The following BTC variants were observed in gnomAD, a reference collection of about 807,000 sequenced individuals.
BTC encodes probetacellulin.
A neutral mutation model predicts 18.1 loss-of-function variants in BTC; 13 were observed. The observed-to-expected ratio is 0.72, with a 90% confidence interval of 0.47 to 1.14. BTC has a LOEUF of 1.14. Among genes scored for constraint, BTC ranks in the 50% most tolerant of loss-of-function variants. The pLI, the probability that BTC is intolerant of heterozygous loss-of-function variation, is 0.00. For missense variants in BTC, 247 were observed against 224.2 expected (o/e 1.10, Z -0.65); for synonymous variants, 83 against 79.4 (o/e 1.05, Z -0.24).
At chr4:74,777,282 A>G (rs1725202087) in intron 1 of BTC, among the ~76,000 whole-genome samples, 1 of 152,186 alleles carries the variant, frequency 6.6e-6, no homozygotes, top group South Asian at 2.1e-4. Context: ...TGTGCTGAAA[A>G]GAAGGTGGAG....
chr4:74,767,020 G>T (rs1369201388), intron 2 of BTC, among the ~76,000 whole-genome samples: 1 of 151,996 alleles, frequency 6.6e-6, no homozygotes, highest in Non-Finnish European at 1.5e-5. Flanking sequence ...AGCAAGACAA[G>T]AATGCCCAGT....
intron 5 of BTC, among the ~76,000 whole-genome samples, chr4:74,747,132 C>T (rs1199696044): frequency 6.6e-6 from 1 of 152,176 alleles, no homozygotes; most frequent in East Asian, 1.9e-4. Context: ...CATTTTAAGC[C>T]AGTTTGAGTT....
At chr4:74,750,741 A>C (rs2109878759) in intron 3 of BTC, 22 bp from the exon 4 acceptor site, 1 of 1,603,892 alleles carries the variant, frequency 6.2e-7, no homozygotes, top group East Asian at 2.2e-5. Context: ...GACGAGGGCA[A>C]GGAAGTAAAA....
intron 1 of BTC, among the ~76,000 whole-genome samples, chr4:74,771,751 A>C (rs2109902011): frequency 6.6e-6 from 1 of 152,370 alleles, no homozygotes; most frequent in South Asian, 2.1e-4. Context: ...AGAACAATTC[A>C]GCACTATACA....
Position 74,794,318 on chromosome 4 carries a change from C to A in BTC, c.8G>T (p.Arg3Leu). The A allele has an allele frequency of 6.5e-7, 1 of 1,547,084 alleles. No homozygotes were observed. The highest frequency in any genetic ancestry group is 2.0e-5 in the Admixed American group (1 of 50,850). The change falls in exon 1 of 6, where the codon CGG (arginine) becomes CTG (leucine). Residue 3 changes from arginine to leucine, a missense_variant. Coordinates refer to ENST00000395743, the MANE Select transcript of BTC (RefSeq NM_001729.4). ...GCTGGCGCCGCTGCACCGGGCGGCC[C>A]GGTCCATCAACCCCGCTCTGCCGGG... The part of the protein sequence containing the change: MD[R>L]AARCSGASSL...
At chr4:74,785,271 T>TC (rs1725449228) in intron 1 of BTC, among the ~76,000 whole-genome samples, 2 of 152,182 alleles carry the variant, frequency 1.3e-5, no homozygotes, top group South Asian at 4.1e-4. Context: ...AGTGGTGATA[T>TC]CCCCCTTATC....
chr4:74,751,730 G>T (rs1181407664), intron 3 of BTC, among the ~76,000 whole-genome samples: 3 of 152,250 alleles, frequency 2.0e-5, no homozygotes, highest in East Asian at 3.9e-4. Context: ...CTGCATCAGA[G>T]AATTAAGGTA....
At chr4:74,779,306 T>C (rs1038959885) in intron 1 of BTC, among the ~76,000 whole-genome samples, 1 of 152,198 alleles carries the variant, frequency 6.6e-6, no homozygotes, top group Non-Finnish European at 1.5e-5. Context: ...ATCTGAAAAC[T>C]GTCAACACGA....
At position 74,770,938 on chromosome 4, in the gene BTC, T is replaced by C. The variant is rs138850414; in HGVS notation, c.65-782A>G. 2.6e-3 allele frequency among the ~76,000 whole-genome samples: 394 copies of C among 151,948 alleles called. 1 individual carries two copies. Among genetic ancestry groups the C allele is most frequent in the Middle Eastern group, 0.01 (3 of 294 alleles). ...GTATGTGTGTGTGTGTGTGTGTGTG[T>C]GTGTGTGTGTATAATTATGGATAAA... On this transcript the variant is annotated intron_variant, in intron 1 of 5. Transcript: ENST00000395743.
intron 1 of BTC, among the ~76,000 whole-genome samples, chr4:74,791,414 A>T (rs1046992449): frequency 1.3e-5 from 2 of 152,186 alleles, no homozygotes; most frequent in Non-Finnish European, 2.9e-5. Flanking sequence ...GGAAAATCTC[A>T]TTTTTTGAGA....
intron 1 of BTC, among the ~76,000 whole-genome samples, chr4:74,786,915 C>T (rs1439111756): frequency 6.6e-6 from 1 of 152,078 alleles, no homozygotes; most frequent in Non-Finnish European, 1.5e-5. Context: ...GAAACCTGTC[C>T]TTCTACCACA....
chr4:74,769,541 G>T (rs904886062), intron 2 of BTC, among the ~76,000 whole-genome samples: 3 of 152,110 alleles, frequency 2.0e-5, no homozygotes, highest in African/African-American at 7.2e-5. Flanking sequence ...CCTTTACTAA[G>T]GCCAAATACT....
intron 5 of BTC, among the ~76,000 whole-genome samples, chr4:74,746,906 C>G (rs956122078): frequency 6.6e-6 from 1 of 152,204 alleles, no homozygotes; most frequent in Non-Finnish European, 1.5e-5. Context: ...AGACACTACT[C>G]TCTCATACTG....
intron 5 of BTC, 60 bp downstream of exon 5, chr4:74,747,980 C>T: frequency 1.2e-6 from 1 of 837,442 alleles, no homozygotes. Flanking sequence ...CAAGTAAGCC[C>T]AATCTAACCA....
At chr4:74,747,515 C>G (rs1215813013) in intron 5 of BTC, among the ~76,000 whole-genome samples, 1 of 152,070 alleles carries the variant, frequency 6.6e-6, no homozygotes, top group Non-Finnish European at 1.5e-5. Flanking sequence ...GGAAGGGCAA[C>G]AGCTCCCAAC....
intron 1 of BTC, among the ~76,000 whole-genome samples, chr4:74,775,461 A>G (rs1725151756): frequency 6.6e-6 from 1 of 152,194 alleles, no homozygotes; most frequent in Non-Finnish European, 1.5e-5. Context: ...CAAAAAGATC[A>G]TAGGTTATGT....
Position 74,786,514 on chromosome 4 carries a change from C to T in BTC, c.64+7748G>A, listed in dbSNP as rs142166648. Among the ~76,000 whole-genome samples the T allele has an allele frequency of 1.2e-3, 183 of 152,280 alleles. 2 individuals are homozygous for T. The South Asian group carries it at 0.025, about 21-fold the overall frequency. ...AAGCTATCTCCATTTCTATAGGAGC[C>T]GCCAAAAGTTTGTTTTTCTTTTTAA... On this transcript the variant is annotated intron_variant, in intron 1 of 5. Transcript: ENST00000395743.
intron 2 of BTC, among the ~76,000 whole-genome samples, chr4:74,769,674 G>C (rs1380366144): frequency 6.6e-6 from 1 of 152,070 alleles, no homozygotes; most frequent in Non-Finnish European, 1.5e-5. Context: ...TTTAACTTTG[G>C]GTAGAATATG....
rs2109928009 is a variant in BTC at position 74,794,282 on chromosome 4, A to T, written c.44T>A (p.Leu15Gln). The change falls in exon 1 of 6, where the codon CTG (leucine) becomes CAG (glutamine). Residue 15 changes from leucine (L) to glutamine (Q), a missense_variant. Physicochemically the swap from Leu to Gln is moderately radical, Grantham distance 113. Transcript: ENST00000395743. ...ARCSGASSLPLLLALALGLVI... is the reference protein window; with the variant it reads ...ARCSGASSLPQLLALALGLVI... ...CTTACCCAGGGCAAGGGCCAGGAGC[A>T]GTGGCAGGGAGCTGGCGCCGCTGCA... 2.6e-6 allele frequency: 4 copies of T among 1,549,624 alleles called. No homozygotes were observed. The highest frequency in any genetic ancestry group is 3.5e-6 in the Non-Finnish European group (4 of 1,146,660).
Sources: gnomAD v4.1 joint callset for allele counts (sites outside exome capture counted in the v4.1 genomes callset) on GRCh38, gnomAD v4.1.1 for gene constraint, MANE v1.5 for transcripts, NCBI Gene and HGNC (gene_info 2026-07-23, HGNC 2026-07-21) for gene names.